The following TFAP2B variants were observed in gnomAD, a reference collection of about 807,000 sequenced individuals.
TFAP2B encodes the protein transcription factor AP-2-beta.
In TFAP2B, 9 loss-of-function variants were observed where a neutral mutation model predicts 44.3. That is an observed-to-expected ratio of 0.20 (90% CI 0.12 to 0.35). The LOEUF is 0.35. Among genes scored for constraint, TFAP2B ranks in the 10% least tolerant of loss-of-function variants. The pLI is 1.00. For synonymous variants in TFAP2B, 270 were observed against 263.8 expected, an observed-to-expected ratio of 1.02 and a Z score of -0.23; for missense variants, 509 against 600.0, an observed-to-expected ratio of 0.85 and a Z score of 1.59.
chr6:50,827,891 C>A (rs1329520965), intron 2 of TFAP2B, among the ~76,000 whole-genome samples: 1 of 152,160 alleles, frequency 6.6e-6, no homozygotes. Flanking sequence ...ACATTCCTTG[C>A]GATTACCTAG....
chr6:50,832,898 G>C (rs1762543784), intron 3 of TFAP2B, among the ~76,000 whole-genome samples: 1 of 151,950 alleles, frequency 6.6e-6, no homozygotes, highest in South Asian at 2.1e-4. Flanking sequence ...ATGAAATATT[G>C]ATCTGTTTTT....
chr6:50,840,240 G>A lies in TFAP2B; in HGVS notation c.1025G>A (p.Arg342Gln), dbSNP rs372031178. 1 of 1,614,118 alleles carries A rather than the reference G, an allele frequency of 6.2e-7. No homozygotes were observed. The highest frequency in any genetic ancestry group is 8.5e-7 in the Non-Finnish European group (1 of 1,180,026). The part of the protein sequence containing the change: ...PAKAVSEYLN[R>Q]QHTDPSDLHS... Reference sequence around the variant, plus strand: ...AAAGCCGTCTCTGAGTATTTGAACCGGCAGCACACAGACCCGAGTGACCTG... The same window carrying A: ...AAAGCCGTCTCTGAGTATTTGAACCAGCAGCACACAGACCCGAGTGACCTG... Residue 342 changes from arginine (R) to glutamine (Q), a missense_variant, in exon 6 of 7, where the codon CGG becomes CAG. By Grantham distance (43) the Arg-to-Gln change is conservative. Transcript: ENST00000393655.
intron 2 of TFAP2B, among the ~76,000 whole-genome samples, chr6:50,825,655 T>A (rs948707942): frequency 9.2e-5 from 14 of 152,184 alleles, no homozygotes; most frequent in African/African-American, 3.1e-4. Flanking sequence ...AAGGATTTAG[T>A]GTTTATGTGA....
At position 50,828,712 on chromosome 6, in the gene TFAP2B, G is replaced by T. The variant is rs1010597753; in HGVS notation, c.601+33G>T. 5.0e-6 allele frequency: 8 copies of T among 1,610,574 alleles called. No homozygotes were observed. The Admixed American group carries it at 8.3e-5, about 17-fold the overall frequency. On this transcript the variant is annotated intron_variant, in intron 3 of 6. Transcript: ENST00000393655. ...TAATTCCCCCCAAAAAGTAAGCAAA[G>T]TTCTCTCATGCATTAACGTCTTTAT...
chr6:50,819,803 C>CGCGGGCGAGGCGGACTAG (rs1034514310), intron 1 of TFAP2B, among the ~76,000 whole-genome samples: 4 of 151,792 alleles, frequency 2.6e-5, no homozygotes, highest in African/African-American at 9.7e-5. Context: ...CTCCGCTACT[C>CGCGGGCGAGGCGGACTAG]GCGGGCGAGG....
At chr6:50,822,441 C>A (rs1233933600) in intron 1 of TFAP2B, among the ~76,000 whole-genome samples, 2 of 152,094 alleles carry the variant, frequency 1.3e-5, no homozygotes, top group Non-Finnish European at 2.9e-5. Flanking sequence ...ATTTAGGTGA[C>A]TATTTCTGCA....
intron 1 of TFAP2B, among the ~76,000 whole-genome samples, chr6:50,821,463 G>A (rs2817377): frequency 0.66 from 100,291 of 152,026 alleles, 34,615 homozygotes; most frequent in African/African-American, 0.88. Flanking sequence ...CCGGATTAGG[G>A]AAGTCTCTCT....
intron 1 of TFAP2B, chr6:50,822,118 A>G (rs1210571667): frequency 7.7e-7 from 1 of 1,302,120 alleles, no homozygotes; most frequent in Non-Finnish European, 1.0e-6. Flanking sequence ...AGCAGTAACC[A>G]GGCTTTTTTT....
At chr6:50,821,738 T>C (rs2076309) in intron 1 of TFAP2B, 103,796 of 171,014 alleles carry the variant, frequency 0.61, 32,179 homozygotes, top group African/African-American at 0.72. Flanking sequence ...ATTTGTCCTC[T>C]ATTCTCCCTT....
intron 2 of TFAP2B, among the ~76,000 whole-genome samples, chr6:50,826,168 T>G (rs1770498611): frequency 6.6e-6 from 1 of 151,900 alleles, no homozygotes; most frequent in Non-Finnish European, 1.5e-5. Context: ...ATGGGTGGCC[T>G]GCACTGGTCC....
At chr6:50,830,276 A>G (rs1427923362) in intron 3 of TFAP2B, 1 of 984,452 alleles carries the variant, frequency 1.0e-6, no homozygotes, top group Non-Finnish European at 1.2e-6. Context: ...ACAGATGACC[A>G]ATCAGAAATG....
At position 50,843,527 on chromosome 6, in the gene TFAP2B, T is replaced by TAAA; in HGVS notation, c.*135_*136insAAA. On this transcript the variant is annotated 3_prime_UTR_variant, in exon 7 of 7. Transcript: ENST00000393655. ...GTAGAATACACATACAATCAAAATT[T>TAAA]TAAAAAAAAAAGCTAAATAACTTAA... The TAAA allele has an allele frequency of 1.2e-6, 1 of 830,660 alleles. No homozygotes were observed. The highest frequency in any genetic ancestry group is 1.7e-6 in the Non-Finnish European group (1 of 577,458). The allele number at this position is 830,660 out of a possible 1,614,324, so 51.5% of individuals were successfully genotyped here. A position where few individuals can be genotyped will look rare whatever the true frequency, so the allele number is the denominator to read the frequency against.
chr6:50,836,285 C>G lies in TFAP2B; in HGVS notation c.821+5C>G, dbSNP rs757711987. Reference sequence around the variant, plus strand: ...CCTCGGCGGAGTCCTCAGAAGGTAACCCCACCACGAAAAACAAAAACAAAA... The same window carrying G: ...CCTCGGCGGAGTCCTCAGAAGGTAAGCCCACCACGAAAAACAAAAACAAAA... On this transcript the variant is annotated splice_donor_5th_base_variant and intron_variant, in intron 4 of 6. Coordinates refer to ENST00000393655, the MANE Select transcript of TFAP2B (RefSeq NM_003221.4). 1.9e-6 allele frequency: 3 copies of G among 1,608,738 alleles called. No individual in the cohort carries two copies. The African/African-American group carries it at 4.0e-5, about 22-fold the overall frequency.
At chr6:50,836,459 G>A (rs1762625297) in intron 4 of TFAP2B, among the ~76,000 whole-genome samples, 179 bp downstream of exon 4, 1 of 152,200 alleles carries the variant, frequency 6.6e-6, no homozygotes, top group African/African-American at 2.4e-5. Context: ...AGGATCCGCG[G>A]CCGCCACCTG....
intron 3 of TFAP2B, among the ~76,000 whole-genome samples, chr6:50,834,808 A>T (rs2746649): frequency 0.9 from 137,634 of 152,272 alleles, 62,416 homozygotes; most frequent in East Asian, 1. Flanking sequence ...CATGTTTCCA[A>T]AGATTTTTTG....
intron 5 of TFAP2B, among the ~76,000 whole-genome samples, chr6:50,839,005 G>GT (rs1465064890): frequency 1.3e-5 from 2 of 152,186 alleles, no homozygotes; most frequent in East Asian, 3.9e-4. Context: ...AATCATCACA[G>GT]TTACAGGCCT....
Position 50,839,587 on chromosome 6 carries a change from G to A in TFAP2B, c.941-569G>A, listed in dbSNP as rs573413035. Among the ~76,000 whole-genome samples, 112 of 152,232 alleles carry A rather than the reference G, an allele frequency of 7.4e-4. 2 individuals carry two copies. In the South Asian group the frequency reaches 0.023, roughly 31 times the overall value. ...GGATGATGACAGGAACCTCTGAAGG[G>A]GAGAAACCTGAAACTTGACTAGCAG... On this transcript the variant is annotated intron_variant, in intron 5 of 6. Coordinates refer to ENST00000393655, the MANE Select transcript of TFAP2B (RefSeq NM_003221.4).
chr6:50,836,076 A>C lies in TFAP2B; in HGVS notation c.617A>C (p.Lys206Thr). Residue 206 changes from lysine to threonine, a missense_variant, in exon 4 of 7, where the codon AAA becomes ACA. Physicochemically the swap from Lys to Thr is moderately conservative, Grantham distance 78. Coordinates refer to ENST00000393655, the MANE Select transcript of TFAP2B (RefSeq NM_003221.4). The part of the protein sequence containing the change: ...SVIKKVPVPP[K>T]SVTSLMMNKD... Reference sequence around the variant, plus strand: ...CTCTTTCTAGTTCCAGTTCCTCCCAAATCGGTGACTTCTCTAATGATGAAT... The same window carrying C: ...CTCTTTCTAGTTCCAGTTCCTCCCACATCGGTGACTTCTCTAATGATGAAT... 1 of 1,614,064 alleles carries C rather than the reference A, an allele frequency of 6.2e-7. No homozygotes were observed. The highest frequency in any genetic ancestry group is 8.5e-7 in the Non-Finnish European group (1 of 1,179,996).
intron 1 of TFAP2B, among the ~76,000 whole-genome samples, chr6:50,822,980 G>C (rs1213391113): frequency 2.6e-5 from 4 of 152,162 alleles, no homozygotes; most frequent in African/African-American, 7.2e-5. Flanking sequence ...CTCTGGAAGA[G>C]TTAGAAAAAA....
Sources: allele counts gnomAD v4.1 joint callset (sites outside exome capture counted in the v4.1 genomes callset), GRCh38; gene constraint gnomAD v4.1.1; transcripts MANE v1.5; gene names NCBI Gene and HGNC (gene_info 2026-07-23, HGNC 2026-07-21).